HS6ST3: variants seen among roughly 807,000 people sequenced by gnomAD.
HS6ST3 encodes heparan-sulfate 6-O-sulfotransferase 3.
Under a neutral mutation model 36.7 loss-of-function variants are expected in HS6ST3, and 12 were observed. The ratio of observed to expected loss-of-function variants is 0.33; its 90% CI spans 0.21 to 0.53. The LOEUF (loss-of-function observed/expected upper bound fraction) is 0.53, where lower values mean the gene tolerates loss of function less well. HS6ST3 is among the 20% of genes least tolerant of loss of function. HS6ST3 has a pLI of 0.95. For missense variants in HS6ST3, 584 were observed against 640.9 expected, an observed-to-expected ratio of 0.91 and a Z score of 0.96; for synonymous variants, 240 against 257.5, an observed-to-expected ratio of 0.93 and a Z score of 0.65.
intron 1 of HS6ST3, among the ~76,000 whole-genome samples, chr13:96,566,450 C>T (rs866667908): frequency 4.6e-5 from 7 of 152,080 alleles, no homozygotes; most frequent in African/African-American, 1.7e-4. Context: ...AAAGAGTAAA[C>T]ATAAGACATT....
intron 1 of HS6ST3, among the ~76,000 whole-genome samples, chr13:96,424,820 C>A (rs1594777200): frequency 6.6e-6 from 1 of 152,156 alleles, no homozygotes; most frequent in Non-Finnish European, 1.5e-5. Context: ...CCATTGATCA[C>A]ATAATAAAAT....
chr13:96,707,021 C>G (rs1314969933), intron 1 of HS6ST3, among the ~76,000 whole-genome samples: 1 of 152,166 alleles, frequency 6.6e-6, no homozygotes, highest in Non-Finnish European at 1.5e-5. Context: ...ACACACATGA[C>G]TACAATTTCT....
At chr13:96,799,944 GTATATA>G (rs34679351) in intron 1 of HS6ST3, among the ~76,000 whole-genome samples, 3 of 88,056 alleles carry the variant, frequency 3.4e-5, no homozygotes, top group East Asian at 3.4e-4. Context: ...ATATGTGTGT[GTATATA>G]TATATATATA....
chr13:96,502,497 A>G (rs967722256), intron 1 of HS6ST3, among the ~76,000 whole-genome samples: 8 of 152,090 alleles, frequency 5.3e-5, no homozygotes, highest in Non-Finnish European at 7.3e-5. Context: ...AGTTATTTAA[A>G]GAATGTATTT....
intron 1 of HS6ST3, among the ~76,000 whole-genome samples, chr13:96,817,975 T>G (rs1878457385): frequency 6.6e-6 from 1 of 152,216 alleles, no homozygotes; most frequent in Admixed American, 6.5e-5. Flanking sequence ...ACTTTGAAAG[T>G]CTTAAAGATT....
rs1879003047 is a variant in HS6ST3 at position 96,838,951 on chromosome 13, C to T, written c.*5753C>T. The T allele has an allele frequency of 1.3e-5, 2 of 152,202 alleles. No individual in the cohort carries two copies. The highest frequency in any genetic ancestry group is 4.1e-4 in the South Asian group (2 of 4,836). 9.4% of individuals were successfully genotyped at this position (152,202 alleles called of 1,614,324 possible). ...CTAGCAGTACTCCAGATTGAGAACG[C>T]AGATGGACAGGTGTCTCTTGAGCCT... On this transcript the variant is annotated 3_prime_UTR_variant, in exon 2 of 2. Coordinates refer to ENST00000376705, the MANE Select transcript of HS6ST3 (RefSeq NM_153456.4).
chr13:96,166,876 A>G (rs2054163213), intron 1 of HS6ST3, among the ~76,000 whole-genome samples: 1 of 152,090 alleles, frequency 6.6e-6, no homozygotes. Context: ...TGCTGTTCTC[A>G]TGATAGTGAG....
chr13:96,248,962 A>C (rs1413709049), intron 1 of HS6ST3, among the ~76,000 whole-genome samples: 3 of 152,132 alleles, frequency 2.0e-5, no homozygotes, highest in Non-Finnish European at 4.4e-5. Flanking sequence ...GTCACCCAGT[A>C]GGTTTATAGC....
At chr13:96,165,601 G>A (rs1046909081) in intron 1 of HS6ST3, among the ~76,000 whole-genome samples, 1 of 152,216 alleles carries the variant, frequency 6.6e-6, no homozygotes, top group Admixed American at 6.5e-5. Context: ...AAATGGGTCA[G>A]CTGTGGCTGT....
At chr13:96,245,718 G>A (rs1030573776) in intron 1 of HS6ST3, among the ~76,000 whole-genome samples, 7 of 152,086 alleles carry the variant, frequency 4.6e-5, no homozygotes, top group African/African-American at 2.4e-5. Flanking sequence ...GTAGTCTCTT[G>A]GTAGGAATGG....
chr13:96,820,838 A>G (rs1294281390), intron 1 of HS6ST3, among the ~76,000 whole-genome samples: 1 of 152,266 alleles, frequency 6.6e-6, no homozygotes, highest in East Asian at 1.9e-4. Context: ...GGGACAGCCA[A>G]CTTCAGGATT....
intron 1 of HS6ST3, among the ~76,000 whole-genome samples, chr13:96,187,505 C>A (rs1244230904): frequency 2.0e-5 from 3 of 152,014 alleles, no homozygotes; most frequent in Non-Finnish European, 4.4e-5. Context: ...CAGTTTAGAG[C>A]CCAGGGCTCT....
intron 1 of HS6ST3, among the ~76,000 whole-genome samples, chr13:96,386,152 C>T (rs2055366712): frequency 6.6e-6 from 1 of 152,174 alleles, no homozygotes; most frequent in South Asian, 2.1e-4. Flanking sequence ...TTTATAGTGA[C>T]CCAAATTGAC....
At chr13:96,718,922 A>G (rs975869486) in intron 1 of HS6ST3, among the ~76,000 whole-genome samples, 14 of 152,172 alleles carry the variant, frequency 9.2e-5, no homozygotes, top group African/African-American at 3.1e-4. Context: ...GTTCCTTTAG[A>G]GAGTCTAGGC....
intron 1 of HS6ST3, among the ~76,000 whole-genome samples, chr13:96,317,350 AT>A (rs1230150446): frequency 0.056 from 4,706 of 83,520 alleles, 244 homozygotes; most frequent in East Asian, 0.22. Context: ...ATATATATAT[AT>A]ATATATATAT....
At chr13:96,821,372 A>C (rs1878531169) in intron 1 of HS6ST3, among the ~76,000 whole-genome samples, 1 of 152,220 alleles carries the variant, frequency 6.6e-6, no homozygotes, top group South Asian at 2.1e-4. Context: ...AGCCTGGGCC[A>C]CTGCATCATT....
At chr13:96,266,188 A>G (rs2054691547) in intron 1 of HS6ST3, among the ~76,000 whole-genome samples, 1 of 152,136 alleles carries the variant, frequency 6.6e-6, no homozygotes, top group East Asian at 1.9e-4. Flanking sequence ...TTTTGTGGAA[A>G]ATACAAGTTG....
chr13:96,261,778 A>G (rs1023669471), intron 1 of HS6ST3, among the ~76,000 whole-genome samples: 1 of 152,228 alleles, frequency 6.6e-6, no homozygotes, highest in Non-Finnish European at 1.5e-5. Context: ...GGCTCTGTAG[A>G]GAATATGGTC....
intron 1 of HS6ST3, among the ~76,000 whole-genome samples, chr13:96,711,206 G>T (rs1238174094): frequency 6.6e-6 from 1 of 152,014 alleles, no homozygotes; most frequent in Non-Finnish European, 1.5e-5. Flanking sequence ...CCCTTGGTTG[G>T]CCACACCTCA....
Sources: gnomAD v4.1 joint callset for allele counts (sites outside exome capture counted in the v4.1 genomes callset) on GRCh38, gnomAD v4.1.1 for gene constraint, MANE v1.5 for transcripts, NCBI Gene and HGNC (gene_info 2026-07-23, HGNC 2026-07-21) for gene names.